The following CHST15 variants were observed in gnomAD, a reference collection of about 807,000 sequenced individuals.
CHST15 encodes carbohydrate sulfotransferase 15.
Under a neutral mutation model 53.6 loss-of-function variants are expected in CHST15, and 30 were observed. The ratio of observed to expected loss-of-function variants is 0.56; its 90% CI spans 0.42 to 0.76. The LOEUF (loss-of-function observed/expected upper bound fraction) is 0.76. CHST15 is among the 30% of genes least tolerant of loss of function. The probability of loss-of-function intolerance (pLI) is 0.00; values close to 1 mark genes in which losing one functional copy is unlikely to be tolerated. For missense variants in CHST15, 627 were observed against 740.5 expected (o/e 0.85, Z 1.78); for synonymous variants, 296 against 289.8 (o/e 1.02, Z -0.22).
rs1223611477 is a variant in CHST15, at chr10:124,046,371, A to G, written c.-159T>C. Reference sequence around the variant, plus strand: ...TACAAAAATAAGCAGACACCACAGCACTAGAGAAAGAGGGTGCACATTCTT... The same window carrying G: ...TACAAAAATAAGCAGACACCACAGCGCTAGAGAAAGAGGGTGCACATTCTT... On this transcript the variant is annotated 5_prime_UTR_variant, in exon 2 of 8. Transcript: ENST00000435907. 3.1e-6 allele frequency: 2 copies of G among 654,496 alleles called. No individual in the cohort carries two copies. The highest frequency in any genetic ancestry group is 5.1e-6 in the Non-Finnish European group (2 of 394,202). The allele number at this position is 654,496 out of a possible 1,614,324, so 40.5% of individuals were successfully genotyped here. A position where few individuals can be genotyped will look rare whatever the true frequency, so the allele number is the denominator to read the frequency against.
At chr10:124,079,612 G>A (rs973016574) in intron 1 of CHST15, among the ~76,000 whole-genome samples, 1 of 152,200 alleles carries the variant, frequency 6.6e-6, no homozygotes, top group Non-Finnish European at 1.5e-5. Flanking sequence ...CTCGCAGGTA[G>A]GGAGGTGGCT....
intron 5 of CHST15, among the ~76,000 whole-genome samples, chr10:124,025,890 A>G (rs1284527569): frequency 1.3e-5 from 2 of 152,142 alleles, no homozygotes; most frequent in Non-Finnish European, 2.9e-5. Flanking sequence ...GACGGCTTTT[A>G]TCCCTTAGGG....
At position 124,010,238 on chromosome 10, in the gene CHST15, G is replaced by A. The variant is rs1245663733; in HGVS notation, c.1597C>T (p.Gln533Ter). The change falls in exon 8 of 8, where the codon CAG (glutamine) becomes TAG (stop). Residue 533 changes from glutamine to a stop codon, truncating the protein, a stop_gained. Coordinates refer to ENST00000435907, the MANE Select transcript of CHST15 (RefSeq NM_001270764.2). LOFTEE classifies it high-confidence loss of function. Reference sequence around the variant, plus strand: ...CTGTAGAAATCCCGCAGAATCTTCTGTGTGATGGGCCACATGGGCCCCAGG... The same window carrying A: ...CTGTAGAAATCCCGCAGAATCTTCTATGTGATGGGCCACATGGGCCCCAGG... ...RNLGPMWPIT[Q>*]KILRDFYRPF... 1 of 1,614,034 alleles carries A rather than the reference G, an allele frequency of 6.2e-7. No homozygotes were observed. Among genetic ancestry groups the A allele is most frequent in the African/African-American group, 1.3e-5 (1 of 74,954 alleles).
chr10:124,092,063 C>T (rs980846801), intron 1 of CHST15, among the ~76,000 whole-genome samples: 5 of 152,166 alleles, frequency 3.3e-5, no homozygotes, highest in Admixed American at 6.5e-5. Context: ...CGGGAAGGTG[C>T]TTCCACGGCT....
intron 5 of CHST15, among the ~76,000 whole-genome samples, chr10:124,034,620 CTTCACCCCTGATAGGTACCCT>C (rs1391477795): frequency 3.7e-5 from 5 of 134,242 alleles, no homozygotes; most frequent in African/African-American, 1.8e-4. Context: ...GGGACCCTGG[CTTCACCCCTGATAGGTACCCT>C]GGCTCCACCC....
chr10:124,084,606 T>A (rs992798163), intron 1 of CHST15, among the ~76,000 whole-genome samples: 2 of 151,754 alleles, frequency 1.3e-5, no homozygotes, highest in African/African-American at 4.8e-5. Flanking sequence ...ATAGAAAAAT[T>A]AAAGCTAAAC....
Position 124,018,913 on chromosome 10 carries a change from CGTG to C in CHST15, c.1347+2340_1347+2342del, listed in dbSNP as rs1946676303. Among the ~76,000 whole-genome samples the C allele has an allele frequency of 3.9e-5, 6 of 152,218 alleles. No individual in the cohort carries two copies. In the South Asian group the frequency reaches 1.2e-3, roughly 32 times the overall value. On this transcript the variant is annotated intron_variant, in intron 6 of 7. Transcript: ENST00000435907. The stretch of plus-strand genomic sequence containing the variant: ...ACTGGGAAAAAGAGGGAAAAGGACT[CGTG>C]GGTGGATTGAATCAGGCATGGTAGG...
intron 1 of CHST15, among the ~76,000 whole-genome samples, chr10:124,062,701 G>C (rs1357623771): frequency 6.6e-6 from 1 of 152,064 alleles, no homozygotes; most frequent in Admixed American, 6.5e-5. Flanking sequence ...CTTTGGCCTG[G>C]TGTATAAAGA....
At chr10:124,041,797 G>A (rs1947750728) in intron 4 of CHST15, among the ~76,000 whole-genome samples, 1 of 152,142 alleles carries the variant, frequency 6.6e-6, no homozygotes, top group Non-Finnish European at 1.5e-5. Flanking sequence ...GGTTGACAGG[G>A]GCTAGGCTTT....
chr10:124,055,011 C>G (rs914637070), intron 1 of CHST15, among the ~76,000 whole-genome samples: 1 of 152,140 alleles, frequency 6.6e-6, no homozygotes, highest in African/African-American at 2.4e-5. Context: ...CTCCTCAGCA[C>G]AGCCTGGGAA....
At chr10:124,038,741 A>G in intron 4 of CHST15, 70 bp from the exon 5 acceptor site, 1 of 1,540,962 alleles carries the variant, frequency 6.5e-7, no homozygotes, top group South Asian at 1.1e-5. Flanking sequence ...TCTAGGTGCC[A>G]GAGGCCACAC....
In CHST15 at chr10:124,009,361, G is replaced by C; in HGVS notation, c.*788C>G. On this transcript the variant is annotated 3_prime_UTR_variant, in exon 8 of 8. Coordinates refer to ENST00000435907, the MANE Select transcript of CHST15 (RefSeq NM_001270764.2). ...CCAGGACTGGTTAAATGCAGAAAGT[G>C]GTTTTGTTTTAAACGCATTCATTTT... is the stretch of plus-strand genomic sequence containing the variant. 9.8e-7 allele frequency: 1 copy of C among 1,017,426 alleles called. No individual in the cohort carries two copies. 63.0% of individuals were successfully genotyped at this position (1,017,426 alleles called of 1,614,324 possible).
At chr10:124,028,527 A>G (rs941832570) in intron 5 of CHST15, among the ~76,000 whole-genome samples, 2 of 152,142 alleles carry the variant, frequency 1.3e-5, no homozygotes, top group East Asian at 3.9e-4. Flanking sequence ...TTTAGTATAC[A>G]CCACACAGCT....
rs201435010 is a variant in CHST15, at chr10:124,062,901, G to A, written c.-512-16177C>T. On this transcript the variant is annotated intron_variant, in intron 1 of 7. Transcript: ENST00000435907. ...TACTTTCACATTCACTCATCAAGCA[G>A]TTTCCCATTTTCAAGAGTTGGGGGG... Among the ~76,000 whole-genome samples the A allele has an allele frequency of 3.9e-5, 6 of 152,056 alleles. No homozygotes were observed. In the East Asian group the frequency reaches 1.2e-3, roughly 29 times the overall value.
In CHST15 at chr10:124,044,847, G is replaced by T; in HGVS notation, c.619C>A (p.Gln207Lys). The change falls in exon 3 of 8, where the codon CAG becomes AAG. Residue 207 changes from glutamine (Q) to lysine (K), a missense_variant. Physicochemically the swap from Gln to Lys is moderately conservative, Grantham distance 53. This residue lies in a region of CHST15 where 161 missense variants were observed against 117.2 expected (regional missense o/e 1.37). Transcript: ENST00000435907. The part of the protein sequence containing the change: ...SPCWYEEFSG[Q>K]NTTDPYLTNS... ...GTGAGGTAGGGGTCGGTGGTGTTCT[G>T]CCCCGAGAACTCCTCGTACCAACAG... 3 of 1,520,268 alleles carry T rather than the reference G, an allele frequency of 2.0e-6. No individual in the cohort carries two copies. Among genetic ancestry groups the T allele is most frequent in the Non-Finnish European group, 2.7e-6 (3 of 1,131,512 alleles). 94.2% of individuals were successfully genotyped at this position (1,520,268 alleles called of 1,614,324 possible).
chr10:124,025,771 G>T (rs1307623390), intron 5 of CHST15, among the ~76,000 whole-genome samples: 1 of 152,156 alleles, frequency 6.6e-6, no homozygotes, highest in Non-Finnish European at 1.5e-5. Flanking sequence ...ATAAAAAGAG[G>T]AGAGGACAGA....
intron 1 of CHST15, among the ~76,000 whole-genome samples, chr10:124,048,762 T>G (rs1186902367): frequency 6.6e-6 from 1 of 151,942 alleles, no homozygotes; most frequent in Non-Finnish European, 1.5e-5. Flanking sequence ...CTGCAGAAAA[T>G]CGAATTAGAT....
chr10:124,009,647 C>T lies in CHST15; in HGVS notation c.*502G>A. The T allele has an allele frequency of 1.0e-6, 1 of 1,000,926 alleles. No individual in the cohort carries two copies. Among genetic ancestry groups the T allele is most frequent in the Non-Finnish European group, 1.2e-6 (1 of 838,278 alleles). The allele number at this position is 1,000,926 out of a possible 1,614,324, so 62.0% of individuals were successfully genotyped here. A position where few individuals can be genotyped will look rare whatever the true frequency, so the allele number is the denominator to read the frequency against. On this transcript the variant is annotated 3_prime_UTR_variant, in exon 8 of 8. Transcript: ENST00000435907. Reference sequence around the variant, plus strand: ...TTCAGAAGTGAATGTGGTATGATCACACCTGTGAAGATAGCCATTGAATAC... The same window carrying T: ...TTCAGAAGTGAATGTGGTATGATCATACCTGTGAAGATAGCCATTGAATAC...
At chr10:124,090,939 T>G (rs1265550712) in intron 1 of CHST15, among the ~76,000 whole-genome samples, 3 of 152,150 alleles carry the variant, frequency 2.0e-5, no homozygotes, top group Non-Finnish European at 4.4e-5. Flanking sequence ...AAAGACAGGG[T>G]TGGACTTCTG....
Sources: gnomAD v4.1 joint callset for allele counts (sites outside exome capture counted in the v4.1 genomes callset) on GRCh38, gnomAD v4.1.1 for gene constraint, gnomAD v4.1.1 regional missense constraint, MANE v1.5 for transcripts, NCBI Gene and HGNC (gene_info 2026-07-23, HGNC 2026-07-21) for gene names.